The following ZCCHC7 variants were observed in gnomAD, a reference collection of about 807,000 sequenced individuals.
ZCCHC7 encodes the protein zinc finger CCHC-type containing 7.
Under a neutral mutation model 52.0 loss-of-function variants are expected in ZCCHC7, and 35 were observed. That is an observed-to-expected ratio of 0.67 (90% CI 0.51 to 0.89). The LOEUF is 0.89. ZCCHC7 is among the 40% of genes least tolerant of loss of function. The pLI is 0.00. For missense variants in ZCCHC7, 574 were observed against 649.1 expected (o/e 0.88, Z 1.26); for synonymous variants, 217 against 221.5 (o/e 0.98, Z 0.18).
chr9:37,131,348 AG>A (rs1842774111), intron 2 of ZCCHC7, among the ~76,000 whole-genome samples: 3 of 150,400 alleles, frequency 2.0e-5, no homozygotes, highest in Admixed American at 1.3e-4. Context: ...AAAAAAAAAA[AG>A]AAAAAAAAAA....
At chr9:37,228,078 T>G (rs1254053271) in intron 2 of ZCCHC7, among the ~76,000 whole-genome samples, 1 of 152,220 alleles carries the variant, frequency 6.6e-6, no homozygotes, top group Non-Finnish European at 1.5e-5. Context: ...ATTACAGGCA[T>G]GAACCACAGT....
chr9:37,344,933 G>C (rs1171048429), intron 6 of ZCCHC7, among the ~76,000 whole-genome samples: 2 of 152,178 alleles, frequency 1.3e-5, no homozygotes. Flanking sequence ...CTCCCTGATG[G>C]AGGCATCCTT....
chr9:37,302,278 T>C, intron 3 of ZCCHC7, 47 bp downstream of exon 3: 1 of 1,459,786 alleles, frequency 6.9e-7, no homozygotes, highest in Non-Finnish European at 9.5e-7. Context: ...TTTCCTTTGC[T>C]TCATAGTTTA....
At chr9:37,157,146 C>T (rs553153959) in intron 2 of ZCCHC7, among the ~76,000 whole-genome samples, 150 of 149,884 alleles carry the variant, frequency 1.0e-3, no homozygotes, top group Admixed American at 1.7e-3. Flanking sequence ...AGTGCTGTGA[C>T]ACCAGTCTGT....
In ZCCHC7 at chr9:37,229,234, G is replaced by A. The variant is rs1345234190; in HGVS notation, c.611-72954G>A. 9.2e-5 allele frequency among the ~76,000 whole-genome samples: 14 copies of A among 152,252 alleles called. No homozygotes were observed. In the East Asian group the frequency reaches 2.5e-3, roughly 27 times the overall value. On this transcript the variant is annotated intron_variant, in intron 2 of 8. Transcript: ENST00000336755. ...TCAAAAAGCCAACAACAGGGGAGTAGTTAATTCAGGTACATTCAAACAATA... is the reference window on the plus strand; with the variant it reads ...TCAAAAAGCCAACAACAGGGGAGTAATTAATTCAGGTACATTCAAACAATA...
rs149815836 is a variant in ZCCHC7, at chr9:37,352,788, G to T, written c.1084-1922G>T. 8.7e-4 allele frequency among the ~76,000 whole-genome samples: 132 copies of T among 151,262 alleles called. 2 individuals carry two copies. The East Asian group carries it at 0.022, about 25-fold the overall frequency. On this transcript the variant is annotated intron_variant, in intron 7 of 8. Coordinates refer to ENST00000336755, the MANE Select transcript of ZCCHC7 (RefSeq NM_032226.3). ...GATCCACCTGCCTCGGCCTCCCAAA[G>T]TGTTGGGATTACAGGCATGAGCCAC...
At chr9:37,120,344 T>G (rs1253832800), upstream of ZCCHC7, among the ~76,000 whole-genome samples, 1 of 152,180 alleles carries the variant, frequency 6.6e-6, no homozygotes, top group African/African-American at 2.4e-5. Context: ...CCTAGGTAGC[T>G]TCAAGAGAAG....
intron 7 of ZCCHC7, among the ~76,000 whole-genome samples, chr9:37,350,540 C>A (rs910276793): frequency 1.3e-5 from 2 of 152,218 alleles, no homozygotes; most frequent in Admixed American, 1.3e-4. Context: ...AAAACAGATG[C>A]TGCATCATTG....
At position 37,194,906 on chromosome 9, in the gene ZCCHC7, A is replaced by G. The variant is rs1457493307; in HGVS notation, c.610+67964A>G. Among the ~76,000 whole-genome samples, 3 of 151,526 alleles carry G rather than the reference A, an allele frequency of 2.0e-5. No homozygotes were observed. The East Asian group carries it at 5.8e-4, about 29-fold the overall frequency. Reference sequence around the variant, plus strand: ...TGTCACTGCTTACTCTCAGGTGGGTATAGCAGAACAAGAACTCAGATTTCT... The same window carrying G: ...TGTCACTGCTTACTCTCAGGTGGGTGTAGCAGAACAAGAACTCAGATTTCT... On this transcript the variant is annotated intron_variant, in intron 2 of 8. Transcript: ENST00000336755.
At chr9:37,267,842 T>C (rs528531683) in intron 2 of ZCCHC7, among the ~76,000 whole-genome samples, 1 of 152,220 alleles carries the variant, frequency 6.6e-6, no homozygotes, top group East Asian at 1.9e-4. Context: ...GTGCTGAGAT[T>C]ACAGGCGTGA....
At chr9:37,291,344 T>C (rs1828528047) in intron 2 of ZCCHC7, among the ~76,000 whole-genome samples, 1 of 151,642 alleles carries the variant, frequency 6.6e-6, no homozygotes, top group Non-Finnish European at 1.5e-5. Context: ...AACTGATAAG[T>C]GAATGATGTA....
At chr9:37,343,367 T>C (rs1166659283) in intron 6 of ZCCHC7, among the ~76,000 whole-genome samples, 1 of 152,256 alleles carries the variant, frequency 6.6e-6, no homozygotes, top group African/African-American at 2.4e-5. Context: ...AAAATATGTA[T>C]TTGATGCACA....
chr9:37,247,484 C>A (rs1274804722), intron 2 of ZCCHC7, among the ~76,000 whole-genome samples: 1 of 152,008 alleles, frequency 6.6e-6, no homozygotes, highest in Non-Finnish European at 1.5e-5. Flanking sequence ...ACTTGAATAC[C>A]CCATCTGTAA....
rs764323393 is a variant in ZCCHC7 at position 37,199,894 on chromosome 9, C to T, written c.610+72952C>T. ...TAATTTTTTGTATTTTTAGTAGAGA[C>T]GGGGTTTCACGGTGTTGGCCAGGCT... On this transcript the variant is annotated intron_variant, in intron 2 of 8. Transcript: ENST00000336755. Among the ~76,000 whole-genome samples the T allele has an allele frequency of 2.0e-4, 31 of 151,330 alleles. 1 individual carries two copies. Among genetic ancestry groups the T allele is most frequent in the Non-Finnish European group, 1.3e-4 (9 of 67,822 alleles).
intron 2 of ZCCHC7, among the ~76,000 whole-genome samples, chr9:37,258,084 T>C (rs1564207127): frequency 6.6e-6 from 1 of 152,130 alleles, no homozygotes; most frequent in Non-Finnish European, 1.5e-5. Context: ...TATTGCAAAT[T>C]AAAGGACTCA....
At position 37,143,527 on chromosome 9, in the gene ZCCHC7, T is replaced by A. The variant is rs949848859; in HGVS notation, c.610+16585T>A. 2.6e-5 allele frequency among the ~76,000 whole-genome samples: 4 copies of A among 151,530 alleles called. No homozygotes were observed. In the East Asian group the frequency reaches 5.8e-4, roughly 22 times the overall value. ...TCGTAGTTCCTGAAAAATAATATTC[T>A]GTGTATGAAAGAAAATAGGAGGTGA... is the stretch of plus-strand genomic sequence containing the variant. On this transcript the variant is annotated intron_variant, in intron 2 of 8. Coordinates refer to ENST00000336755, the MANE Select transcript of ZCCHC7 (RefSeq NM_032226.3).
At chr9:37,277,460 A>G (rs1276773584) in intron 2 of ZCCHC7, among the ~76,000 whole-genome samples, 1 of 152,084 alleles carries the variant, frequency 6.6e-6, no homozygotes. Flanking sequence ...TGGGCAACAT[A>G]GTGAGACCCC....
At chr9:37,205,261 C>A in intron 2 of ZCCHC7, 1 of 330,364 alleles carries the variant, frequency 3.0e-6, no homozygotes, top group South Asian at 3.3e-5. Flanking sequence ...TGAGGTGTTC[C>A]TTTTTGAACA....
intron 2 of ZCCHC7, among the ~76,000 whole-genome samples, chr9:37,197,565 T>C (rs901143143): frequency 3.3e-5 from 5 of 152,220 alleles, no homozygotes; most frequent in East Asian, 1.9e-4. Flanking sequence ...CTCAGTGTTA[T>C]GATTTCAGAG....
Sources: gnomAD v4.1 joint callset for allele counts (sites outside exome capture counted in the v4.1 genomes callset) on GRCh38, gnomAD v4.1.1 for gene constraint, MANE v1.5 for transcripts, NCBI Gene and HGNC (gene_info 2026-07-23, HGNC 2026-07-21) for gene names.